The following CTNNA3 variants were observed in gnomAD, a reference collection of about 807,000 sequenced individuals.
CTNNA3 encodes catenin alpha 3, also known as catenin alpha-3.
CTNNA3 carries 76 observed loss-of-function variants against 95.7 expected under a neutral mutation model. That is an observed-to-expected ratio of 0.79 (90% CI 0.66 to 0.96). The LOEUF (loss-of-function observed/expected upper bound fraction) is 0.96, where lower values mean the gene tolerates loss of function less well. CTNNA3 is among the 40% of genes least tolerant of loss of function. The pLI is 0.00. For missense variants in CTNNA3, 1,191 were observed against 1,089.8 expected (o/e 1.09, Z -1.31); for synonymous variants, 431 against 374.4 (o/e 1.15, Z -1.74).
In CTNNA3 at chr10:66,172,418, A is replaced by C. The variant is rs920483737; in HGVS notation, c.1885-69169T>G. On this transcript the variant is annotated intron_variant, in intron 13 of 17. Coordinates refer to ENST00000433211, the MANE Select transcript of CTNNA3 (RefSeq NM_013266.4). The stretch of plus-strand genomic sequence containing the variant: ...AGAACTTTTGTAACCTGAATAATTG[A>C]ATATGTTTTACATTATCCTATGTAA... 3.3e-5 allele frequency among the ~76,000 whole-genome samples: 5 copies of C among 152,066 alleles called. No individual in the cohort carries two copies. In the East Asian group the frequency reaches 5.8e-4, roughly 18 times the overall value.
At chr10:66,444,287 A>G (rs1413844593) in intron 11 of CTNNA3, among the ~76,000 whole-genome samples, 1 of 152,162 alleles carries the variant, frequency 6.6e-6, no homozygotes, top group African/African-American at 2.4e-5. Context: ...CAGTCTAGCA[A>G]GGCAGGCCAA....
At chr10:67,192,826 C>T (rs1341032190) in intron 6 of CTNNA3, among the ~76,000 whole-genome samples, 1 of 151,648 alleles carries the variant, frequency 6.6e-6, no homozygotes, top group Non-Finnish European at 1.5e-5. Flanking sequence ...TCACAATAGC[C>T]AAAACATGGC....
chr10:66,692,047 G>A (rs1387292981), intron 9 of CTNNA3, among the ~76,000 whole-genome samples: 2 of 152,172 alleles, frequency 1.3e-5, no homozygotes, highest in African/African-American at 4.8e-5. Context: ...ACTCTAAAAA[G>A]CAGAGCGCCT....
intron 10 of CTNNA3, among the ~76,000 whole-genome samples, chr10:66,548,128 G>C (rs1014599250): frequency 1.3e-5 from 2 of 152,006 alleles, no homozygotes; most frequent in African/African-American, 2.4e-5. Flanking sequence ...TGTTGGTCAG[G>C]CTGGTCTCAA....
chr10:66,332,660 T>C (rs1262733509), intron 12 of CTNNA3, among the ~76,000 whole-genome samples: 1 of 152,024 alleles, frequency 6.6e-6, no homozygotes, highest in Non-Finnish European at 1.5e-5. Context: ...TGCATCGATG[T>C]TCATCAGGGA....
intron 5 of CTNNA3, among the ~76,000 whole-genome samples, chr10:67,391,280 A>G (rs1054104810): frequency 6.6e-6 from 1 of 151,836 alleles, no homozygotes; most frequent in African/African-American, 2.4e-5. Context: ...CAGAGACCCA[A>G]ATCATGAGTG....
At chr10:66,564,190 T>G (rs1199215786) in intron 10 of CTNNA3, among the ~76,000 whole-genome samples, 1 of 152,158 alleles carries the variant, frequency 6.6e-6, no homozygotes, top group Admixed American at 6.5e-5. Context: ...AGGAAAAGAC[T>G]TCGCCAAAAG....
At chr10:66,737,161 C>T (rs951106260) in intron 9 of CTNNA3, among the ~76,000 whole-genome samples, 12 of 151,920 alleles carry the variant, frequency 7.9e-5, no homozygotes, top group Admixed American at 7.2e-4. Flanking sequence ...GTTTCATCCC[C>T]CAACACACAC....
intron 9 of CTNNA3, among the ~76,000 whole-genome samples, chr10:66,630,750 C>G (rs1339711796): frequency 2.6e-5 from 4 of 152,084 alleles, no homozygotes; most frequent in African/African-American, 9.7e-5. Context: ...CGCTGCTCTG[C>G]TTCCCTTGGT....
intron 3 of CTNNA3, among the ~76,000 whole-genome samples, chr10:67,576,166 G>A (rs540653782): frequency 2.0e-5 from 3 of 152,162 alleles, no homozygotes; most frequent in African/African-American, 7.2e-5. Flanking sequence ...ATTATACATA[G>A]ACTTTAGCAG....
intron 9 of CTNNA3, among the ~76,000 whole-genome samples, chr10:66,732,939 G>A (rs1343996437): frequency 6.6e-6 from 1 of 151,952 alleles, no homozygotes; most frequent in Non-Finnish European, 1.5e-5. Context: ...GGGATTACAG[G>A]CACCAGCCAC....
intron 13 of CTNNA3, among the ~76,000 whole-genome samples, chr10:66,268,582 T>C (rs2091209067): frequency 6.6e-6 from 1 of 152,182 alleles, no homozygotes. Flanking sequence ...GATACATTGA[T>C]GGTTGTTTTA....
At chr10:67,143,425 TAAAAAAAAA>T (rs61603392) in intron 7 of CTNNA3, among the ~76,000 whole-genome samples, 1 of 75,992 alleles carries the variant, frequency 1.3e-5, no homozygotes, top group South Asian at 5.1e-4. Flanking sequence ...GGCTCTGTCT[TAAAAAAAAA>T]AAAAAAAAAA....
intron 14 of CTNNA3, among the ~76,000 whole-genome samples, chr10:66,074,927 C>A (rs2080519961): frequency 6.6e-6 from 1 of 151,694 alleles, no homozygotes; most frequent in Non-Finnish European, 1.5e-5. Context: ...AACAGAAATA[C>A]TCAAGAGCTA....
intron 7 of CTNNA3, among the ~76,000 whole-genome samples, chr10:66,887,032 T>C (rs1845069188): frequency 6.6e-6 from 1 of 152,162 alleles, no homozygotes. Context: ...GAGTTGTAAA[T>C]AGCAATGGCA....
At chr10:66,249,465 T>G (rs1245827063) in intron 13 of CTNNA3, among the ~76,000 whole-genome samples, 5 of 152,014 alleles carry the variant, frequency 3.3e-5, no homozygotes, top group Non-Finnish European at 7.4e-5. Flanking sequence ...GGGCAAAAGA[T>G]CTGAATAAAC....
At chr10:66,747,251 A>G (rs1026651961) in intron 9 of CTNNA3, among the ~76,000 whole-genome samples, 1 of 152,222 alleles carries the variant, frequency 6.6e-6, no homozygotes, top group African/African-American at 2.4e-5. Flanking sequence ...TCTTGGATAG[A>G]AAAGGCACTC....
chr10:66,987,967 G>A (rs1850826594), intron 7 of CTNNA3, among the ~76,000 whole-genome samples: 1 of 152,006 alleles, frequency 6.6e-6, no homozygotes. Flanking sequence ...AACAAATGTG[G>A]GTTACCAAAT....
At chr10:66,533,443 C>T (rs1188190108) in intron 10 of CTNNA3, among the ~76,000 whole-genome samples, 7 of 152,078 alleles carry the variant, frequency 4.6e-5, no homozygotes, top group African/African-American at 1.4e-4. Context: ...ATCTCAATAT[C>T]TCAAACTTTA....
Sources: gnomAD v4.1 joint callset for allele counts (sites outside exome capture counted in the v4.1 genomes callset) on GRCh38, gnomAD v4.1.1 for gene constraint, MANE v1.5 for transcripts, NCBI Gene and HGNC (gene_info 2026-07-23, HGNC 2026-07-21) for gene names.